EYS: variants seen among roughly 807,000 people sequenced by gnomAD.
EYS encodes protein eyes shut homolog.
A neutral mutation model predicts 282.1 loss-of-function variants in EYS; 250 were observed. That is an observed-to-expected ratio of 0.89 (90% CI 0.80 to 0.98). The LOEUF (loss-of-function observed/expected upper bound fraction) is 0.98, where lower values mean the gene tolerates loss of function less well. Among genes scored for constraint, EYS ranks in the 50% least tolerant of loss-of-function variants. The probability of loss-of-function intolerance (pLI) is 0.00; values close to 1 mark genes in which losing one functional copy is unlikely to be tolerated. For missense variants in EYS, 4,016 were observed against 3,709.0 expected, an observed-to-expected ratio of 1.08 and a Z score of -2.15; for synonymous variants, 1,355 against 1,282.9, an observed-to-expected ratio of 1.06 and a Z score of -1.20.
At chr6:64,106,049 G>A (rs1341538805) in intron 31 of EYS, among the ~76,000 whole-genome samples, 1 of 152,042 alleles carries the variant, frequency 6.6e-6, no homozygotes, top group Non-Finnish European at 1.5e-5. Flanking sequence ...GATGATTAAA[G>A]TAATTATTTA....
intron 2 of EYS, among the ~76,000 whole-genome samples, chr6:65,515,891 T>G (rs1420835503): frequency 6.6e-6 from 1 of 151,484 alleles, no homozygotes; most frequent in Non-Finnish European, 1.5e-5. Context: ...TGTATACATA[T>G]GTAACTAACC....
intron 29 of EYS, among the ~76,000 whole-genome samples, chr6:64,371,319 G>T: frequency 1.1e-5 from 1 of 89,944 alleles, no homozygotes; most frequent in African/African-American, 4.2e-5. Flanking sequence ...GTAATTTTAT[G>T]GTTGGTTTTT....
rs1455481949 is a variant in EYS, at chr6:64,617,383, A to G, written c.3684+35T>C. ...TTTACTGTGTATCAAAGAGAATAAAAAATTATTACAACCACAACCACCAGT... is the reference window on the plus strand; with the variant it reads ...TTTACTGTGTATCAAAGAGAATAAAGAATTATTACAACCACAACCACCAGT... On this transcript the variant is annotated intron_variant, in intron 24 of 42. Coordinates refer to ENST00000503581, the MANE Select transcript of EYS (RefSeq NM_001142800.2). 2.9e-6 allele frequency: 4 copies of G among 1,367,186 alleles called. No homozygotes were observed. The Admixed American group carries it at 5.9e-5, about 20-fold the overall frequency. The allele number at this position is 1,367,186 out of a possible 1,614,324, so 84.7% of individuals were successfully genotyped here.
chr6:65,446,120 A>G (rs1768647595), intron 5 of EYS, among the ~76,000 whole-genome samples: 1 of 151,774 alleles, frequency 6.6e-6, no homozygotes, highest in Non-Finnish European at 1.5e-5. Context: ...CCAATTGATC[A>G]CTTGTTTTAT....
At chr6:64,055,092 C>T (rs1393547548) in intron 33 of EYS, among the ~76,000 whole-genome samples, 5 of 152,164 alleles carry the variant, frequency 3.3e-5, no homozygotes, top group African/African-American at 1.2e-4. Flanking sequence ...CCTCTTACAG[C>T]TCCAGGACTA....
intron 29 of EYS, among the ~76,000 whole-genome samples, chr6:64,316,896 C>A (rs1363710485): frequency 6.6e-6 from 1 of 152,088 alleles, no homozygotes; most frequent in African/African-American, 2.4e-5. Context: ...ACAGAGACCT[C>A]AGAAATACCA....
At chr6:65,529,130 T>C (rs1767673205) in intron 2 of EYS, among the ~76,000 whole-genome samples, 1 of 151,946 alleles carries the variant, frequency 6.6e-6, no homozygotes, top group Non-Finnish European at 1.5e-5. Flanking sequence ...CTTGGGGGCT[T>C]GCTATTCTTA....
intron 12 of EYS, among the ~76,000 whole-genome samples, chr6:65,253,354 ATGTTG>A (rs1224637398): frequency 2.0e-5 from 3 of 151,800 alleles, no homozygotes; most frequent in Admixed American, 6.6e-5. Flanking sequence ...TTTTAAAAGA[ATGTTG>A]TGTTGTAGCT....
At chr6:65,122,321 T>C (rs899839851) in intron 12 of EYS, among the ~76,000 whole-genome samples, 5 of 152,146 alleles carry the variant, frequency 3.3e-5, no homozygotes, top group Admixed American at 3.3e-4. Context: ...CATTCATACA[T>C]ATCACCCCAC....
chr6:65,190,169 G>C lies in EYS; in HGVS notation c.2023+105694C>G, dbSNP rs1053638547. On this transcript the variant is annotated intron_variant, in intron 12 of 42. Coordinates refer to ENST00000503581, the MANE Select transcript of EYS (RefSeq NM_001142800.2). ...ATATACAAGCATTATAACTTTCGTGGGCCTATTTTCTTATGCTCTATCTCT... is the reference window on the plus strand; with the variant it reads ...ATATACAAGCATTATAACTTTCGTGCGCCTATTTTCTTATGCTCTATCTCT... 1.1e-4 allele frequency among the ~76,000 whole-genome samples: 16 copies of C among 149,684 alleles called. No individual in the cohort carries two copies. The Admixed American group carries it at 1.1e-3, about 10-fold the overall frequency.
intron 19 of EYS, among the ~76,000 whole-genome samples, chr6:64,842,719 A>G (rs1169397160): frequency 6.6e-6 from 1 of 151,978 alleles, no homozygotes; most frequent in Non-Finnish European, 1.5e-5. Flanking sequence ...TGCCCTAGAG[A>G]TTTGTGGAAC....
At chr6:63,857,951 T>G (rs942194723) in intron 36 of EYS, among the ~76,000 whole-genome samples, 1 of 152,100 alleles carries the variant, frequency 6.6e-6, no homozygotes, top group Non-Finnish European at 1.5e-5. Context: ...TGGCTAGATA[T>G]GTGATAGCAT....
intron 22 of EYS, among the ~76,000 whole-genome samples, chr6:64,661,946 C>T (rs910609311): frequency 1.1e-4 from 16 of 150,882 alleles, no homozygotes; most frequent in Admixed American, 2.0e-4. Flanking sequence ...ATGTTTATTG[C>T]GGCACTATTC....
rs540709018 is a variant in EYS, at chr6:63,736,464, G to C, written c.8072-9784C>G. 6.3e-3 allele frequency among the ~76,000 whole-genome samples: 962 copies of C among 152,112 alleles called. 9 individuals carry two copies. The highest frequency in any genetic ancestry group is 0.022 in the African/African-American group (900 of 41,490). ...GATCTATATCTCTGTTTTGGTACCA[G>C]TACCATGCTGTTTTGGTTACTGTAG... On this transcript the variant is annotated intron_variant, in intron 41 of 42. Coordinates refer to ENST00000503581, the MANE Select transcript of EYS (RefSeq NM_001142800.2).
chr6:63,804,802 GCTAA>G (rs1030548531), intron 37 of EYS, among the ~76,000 whole-genome samples: 1 of 152,166 alleles, frequency 6.6e-6, no homozygotes, highest in East Asian at 1.9e-4. Context: ...CTTTTAAGAG[GCTAA>G]CTCTTATTAC....
chr6:65,643,771 C>T (rs1230501023), intron 1 of EYS, among the ~76,000 whole-genome samples: 1 of 152,062 alleles, frequency 6.6e-6, no homozygotes, highest in African/African-American at 2.4e-5. Context: ...CCAGTACCAG[C>T]CCAGAGCTCA....
chr6:64,083,506 C>T (rs531957750), intron 31 of EYS, among the ~76,000 whole-genome samples: 1 of 152,192 alleles, frequency 6.6e-6, no homozygotes, highest in East Asian at 1.9e-4. Flanking sequence ...GCTGCTGTTT[C>T]TGACCCTTCC....
intron 22 of EYS, among the ~76,000 whole-genome samples, chr6:64,688,769 T>C (rs942986420): frequency 5.9e-5 from 9 of 152,158 alleles, no homozygotes; most frequent in Non-Finnish European, 1.3e-4. Flanking sequence ...GTTCAATTCC[T>C]GGATATCCTT....
rs141485618 is a variant in EYS at position 64,518,162 on chromosome 6, A to C, written c.5644+72061T>G. ...AATTTTTGATGCTGTCAGTGTAACA[A>C]AGTGACAAATTCCTAAAGAAATTAT... On this transcript the variant is annotated intron_variant, in intron 26 of 42. Coordinates refer to ENST00000503581, the MANE Select transcript of EYS (RefSeq NM_001142800.2). Among the ~76,000 whole-genome samples the C allele has an allele frequency of 3.9e-5, 6 of 151,976 alleles. No individual in the cohort carries two copies. The East Asian group carries it at 1.2e-3, about 29-fold the overall frequency.
Sources: allele counts gnomAD v4.1 joint callset (sites outside exome capture counted in the v4.1 genomes callset), GRCh38; gene constraint gnomAD v4.1.1; transcripts MANE v1.5; gene names NCBI Gene and HGNC (gene_info 2026-07-23, HGNC 2026-07-21).